Variants in ARHGEF37 observed in about 807,000 individuals in gnomAD.
The protein encoded by ARHGEF37 is Rho guanine nucleotide exchange factor (GEF) 37.
Under a neutral mutation model 71.1 loss-of-function variants are expected in ARHGEF37, and 55 were observed. That is an observed-to-expected ratio of 0.77 (90% CI 0.62 to 0.97). The LOEUF is 0.97. ARHGEF37 is among the 50% of genes least tolerant of loss of function. The pLI is 0.00. For synonymous variants in ARHGEF37, 327 were observed against 350.6 expected, an observed-to-expected ratio of 0.93 and a Z score of 0.75; for missense variants, 765 against 836.8, an observed-to-expected ratio of 0.91 and a Z score of 1.06.
At chr5:149,577,871 A>T (rs1333121119), upstream of ARHGEF37, among the ~76,000 whole-genome samples, 1 of 152,260 alleles carries the variant, frequency 6.6e-6, no homozygotes, top group Non-Finnish European at 1.5e-5. Context: ...TTCTCTGATT[A>T]TGATTCTGGA....
chr5:149,597,720 C>T, intron 1 of ARHGEF37, 39 bp from the exon 2 acceptor site: 1 of 1,485,048 alleles, frequency 6.7e-7, no homozygotes, highest in Non-Finnish European at 8.9e-7. Flanking sequence ...CCCAATAGTT[C>T]TTCCTGGAAG....
At chr5:149,582,010 G>A (rs2113263526) in intron 1 of ARHGEF37, among the ~76,000 whole-genome samples, 1 of 152,308 alleles carries the variant, frequency 6.6e-6, no homozygotes, top group East Asian at 1.9e-4. Context: ...TCCTTGCCAA[G>A]CAAAATATAA....
chr5:149,587,810 G>C (rs1274029400), intron 1 of ARHGEF37, among the ~76,000 whole-genome samples: 2 of 151,842 alleles, frequency 1.3e-5, no homozygotes, highest in Non-Finnish European at 2.9e-5. Context: ...TTCTGACTAT[G>C]GTGTCTATCT....
chr5:149,572,985 C>T (rs926709646), intron 1 of ARHGEF37, among the ~76,000 whole-genome samples: 13 of 152,110 alleles, frequency 8.5e-5, no homozygotes, highest in African/African-American at 3.1e-4. Context: ...AGGCGTGGCC[C>T]TGGCTTCTGG....
upstream of ARHGEF37, among the ~76,000 whole-genome samples, chr5:149,580,088 G>A (rs566520259): frequency 5.1e-4 from 78 of 151,802 alleles, no homozygotes; most frequent in Non-Finnish European, 9.9e-4. Flanking sequence ...TCGAGACGGA[G>A]TCTCGCTCTG....
Position 149,634,488 on chromosome 5 carries a change from T to A in ARHGEF37, c.*2297T>A, listed in dbSNP as rs1752974584. 1 of 152,660 alleles carries A rather than the reference T, an allele frequency of 6.6e-6. No individual in the cohort carries two copies. Among genetic ancestry groups the A allele is most frequent in the African/African-American group, 2.4e-5 (1 of 41,458 alleles). The allele number at this position is 152,660 out of a possible 1,614,324, so 9.5% of individuals were successfully genotyped here. A position where few individuals can be genotyped will look rare whatever the true frequency, so the allele number is the denominator to read the frequency against. On this transcript the variant is annotated 3_prime_UTR_variant, in exon 13 of 13. Coordinates refer to ENST00000333677, the MANE Select transcript of ARHGEF37 (RefSeq NM_001001669.3). Reference sequence around the variant, plus strand: ...AAATATACTTGGAACCAAGTCTATGTCATGAAGGGAAAATAAAAATGTATT... The same window carrying A: ...AAATATACTTGGAACCAAGTCTATGACATGAAGGGAAAATAAAAATGTATT...
intron 11 of ARHGEF37, among the ~76,000 whole-genome samples, chr5:149,627,657 C>A (rs923276161): frequency 1.2e-4 from 18 of 152,206 alleles, no homozygotes; most frequent in African/African-American, 4.3e-4. Context: ...TGGACCCTGG[C>A]TACACCGCCA....
In ARHGEF37 at chr5:149,624,017, C is replaced by T; in HGVS notation, c.1341C>T (p.Pro447=). The change falls in exon 10 of 13, where the codon CCC becomes CCT. Residue 447 remains proline, a synonymous_variant. Transcript: ENST00000333677. ...CAGTGTCTGTCCCCACTTAGCTGCC[C>T]CACCACCACGTCCCAGAGCCTGCCT... is the stretch of plus-strand genomic sequence containing the variant. ...QRAEGSMAQL[P]HHHVPEPAFR... 1.3e-6 allele frequency: 2 copies of T among 1,596,764 alleles called. No homozygotes were observed. The highest frequency in any genetic ancestry group is 1.7e-6 in the Non-Finnish European group (2 of 1,166,316).
At chr5:149,590,373 C>G (rs1763367271) in intron 1 of ARHGEF37, among the ~76,000 whole-genome samples, 1 of 151,534 alleles carries the variant, frequency 6.6e-6, no homozygotes, top group Non-Finnish European at 1.5e-5. Flanking sequence ...CCTCTGCCTC[C>G]CGGGTTCAAG....
chr5:149,565,243 G>A lies in ARHGEF37; in HGVS notation c.-12+13120G>A, dbSNP rs1404274998. Among the ~76,000 whole-genome samples the A allele has an allele frequency of 2.0e-5, 3 of 152,268 alleles. No homozygotes were observed. In the East Asian group the frequency reaches 5.8e-4, roughly 29 times the overall value. On this transcript the variant is annotated intron_variant, in intron 1 of 2. Coordinates refer to the ARHGEF37 transcript ENST00000505810. ...ACCCTGTTCTTCCTTCTAGTATAGTGCCATCTCACTGTATTATAATTGCTA... is the reference window on the plus strand; with the variant it reads ...ACCCTGTTCTTCCTTCTAGTATAGTACCATCTCACTGTATTATAATTGCTA...
chr5:149,616,924 C>T (rs1752399619), intron 5 of ARHGEF37, among the ~76,000 whole-genome samples, 158 bp downstream of exon 5: 1 of 152,206 alleles, frequency 6.6e-6, no homozygotes, highest in Non-Finnish European at 1.5e-5. Flanking sequence ...GATCAGGGTG[C>T]TGGCTCCAGT....
intron 10 of ARHGEF37, among the ~76,000 whole-genome samples, chr5:149,625,862 C>G (rs1392401062): frequency 6.6e-6 from 1 of 152,084 alleles, no homozygotes; most frequent in African/African-American, 2.4e-5. Context: ...CAGAAGCAGC[C>G]CTCATGGGAT....
intron 2 of ARHGEF37, among the ~76,000 whole-genome samples, 158 bp downstream of exon 2, chr5:149,598,113 T>C (rs143629030): frequency 1.4e-3 from 219 of 152,302 alleles, no homozygotes; most frequent in African/African-American, 5.0e-3. Context: ...GTACTTCTTT[T>C]CCTTGGCCGT....
At chr5:149,565,842 T>TTTTTTTTTTTTG (rs1762890687) in intron 1 of ARHGEF37, among the ~76,000 whole-genome samples, 1 of 53,452 alleles carries the variant, frequency 1.9e-5, no homozygotes, top group Non-Finnish European at 3.2e-5. Flanking sequence ...TTTTTTTTTT[T>TTTTTTTTTTTTG]TTTTTTTTTT....
chr5:149,590,369 C>T (rs147963615), intron 1 of ARHGEF37, among the ~76,000 whole-genome samples: 3,676 of 149,982 alleles, frequency 0.025, 89 homozygotes, highest in East Asian at 0.096. Flanking sequence ...GCAACCTCTG[C>T]CTCCCGGGTT....
At chr5:149,609,776 T>C in intron 4 of ARHGEF37, 81 bp downstream of exon 4, 1 of 1,566,614 alleles carries the variant, frequency 6.4e-7, no homozygotes, top group Non-Finnish European at 8.7e-7. Flanking sequence ...CCCTTTTTCA[T>C]GCCATTCGTG....
chr5:149,597,797 TCCTCCA>T lies in ARHGEF37; in HGVS notation c.29_34del (p.Ser10_Arg12delinsTrp). On this transcript the variant is annotated inframe_deletion, in exon 2 of 13. Coordinates refer to ENST00000333677, the MANE Select transcript of ARHGEF37 (RefSeq NM_001001669.3). ...GGCCAAGCATGGAGCCGACGAGCCA[TCCTCCA>T]GGTCAGGGAGTCCGGACAGGGAAGG... 1 of 1,570,806 alleles carries T rather than the reference TCCTCCA, an allele frequency of 6.4e-7. No individual in the cohort carries two copies. Among genetic ancestry groups the T allele is most frequent in the East Asian group, 2.3e-5 (1 of 42,666 alleles).
At chr5:149,599,393 C>T (rs1185140957) in intron 2 of ARHGEF37, among the ~76,000 whole-genome samples, 1 of 143,780 alleles carries the variant, frequency 7.0e-6, no homozygotes, top group Non-Finnish European at 1.5e-5. Flanking sequence ...ACCCAAAAGG[C>T]CAGGGCAAGG....
At chr5:149,625,778 C>G (rs1197653590) in intron 10 of ARHGEF37, among the ~76,000 whole-genome samples, 2 of 151,754 alleles carry the variant, frequency 1.3e-5, no homozygotes, top group African/African-American at 4.8e-5. Flanking sequence ...CACACACACA[C>G]AAACCTCCTG....
Sources: allele counts gnomAD v4.1 joint callset (sites outside exome capture counted in the v4.1 genomes callset), GRCh38; gene constraint gnomAD v4.1.1; transcripts MANE v1.5; gene names NCBI Gene and HGNC (gene_info 2026-07-23, HGNC 2026-07-21).